The following ADAMTSL2 variants were observed in gnomAD, a reference collection of about 807,000 sequenced individuals.
The protein encoded by ADAMTSL2 is ADAMTS like 2.
ADAMTSL2 carries 55 observed loss-of-function variants against 117.0 expected under a neutral mutation model. That is an observed-to-expected ratio of 0.47 (90% CI 0.38 to 0.59). The LOEUF is 0.59. Ranked by LOEUF, ADAMTSL2 falls within the 20% of genes least tolerant of loss-of-function variation. The pLI, the probability that ADAMTSL2 is intolerant of heterozygous loss-of-function variation, is 0.00. For missense variants in ADAMTSL2, 1,182 were observed against 1,354.5 expected, an observed-to-expected ratio of 0.87 and a Z score of 2.00; for synonymous variants, 572 against 566.4, an observed-to-expected ratio of 1.01 and a Z score of -0.14.
rs1356008583 is a variant in ADAMTSL2, at chr9:133,573,703, G to C, written c.2593-140G>C. 22 of 1,001,386 alleles carry C rather than the reference G, an allele frequency of 2.2e-5. No individual in the cohort carries two copies. The East Asian group carries it at 4.6e-4, about 21-fold the overall frequency. The allele number at this position is 1,001,386 out of a possible 1,614,324, so 62.0% of individuals were successfully genotyped here. A position where few individuals can be genotyped will look rare whatever the true frequency, so the allele number is the denominator to read the frequency against. The stretch of plus-strand genomic sequence containing the variant: ...GGTCTAGTTTCAAATGGGCTTCCAC[G>C]GGTCCTGTGTCAGTTGGGACTCATG... On this transcript the variant is annotated intron_variant, in intron 17 of 18. Coordinates refer to ENST00000651351, the MANE Select transcript of ADAMTSL2 (RefSeq NM_014694.4).
At chr9:133,534,998 G>C in intron 1 of ADAMTSL2, 81 bp downstream of exon 1, 1 of 1,314,546 alleles carries the variant, frequency 7.6e-7, no homozygotes, top group Non-Finnish European at 9.7e-7. Context: ...CTGGGGGTAG[G>C]AGCACCCCGC....
At chr9:133,556,401 T>G (rs1457970475) in intron 11 of ADAMTSL2, among the ~76,000 whole-genome samples, 1 of 152,154 alleles carries the variant, frequency 6.6e-6, no homozygotes, top group Non-Finnish European at 1.5e-5. Flanking sequence ...GACCCCTTAG[T>G]TTTAAGCCTG....
chr9:133,549,613 G>C (rs569639845), intron 9 of ADAMTSL2, among the ~76,000 whole-genome samples: 43 of 145,280 alleles, frequency 3.0e-4, no homozygotes, highest in Non-Finnish European at 5.6e-4. Context: ...TCGAACTCTA[G>C]GCCTCAGGTA....
chr9:133,545,024 G>C (rs1830315787), intron 8 of ADAMTSL2, among the ~76,000 whole-genome samples: 1 of 152,186 alleles, frequency 6.6e-6, no homozygotes, highest in African/African-American at 2.4e-5. Flanking sequence ...TGGGAGGCTG[G>C]GCTGTAGGAG....
intron 13 of ADAMTSL2, among the ~76,000 whole-genome samples, chr9:133,568,048 C>T (rs371407577): frequency 1.3e-3 from 194 of 152,354 alleles, no homozygotes; most frequent in African/African-American, 4.1e-3. Flanking sequence ...TCAGGGCACC[C>T]GCCAACCACC....
chr9:133,567,102 G>C, intron 13 of ADAMTSL2, 40 bp downstream of exon 13: 2 of 1,578,552 alleles, frequency 1.3e-6, no homozygotes, highest in Non-Finnish European at 1.7e-6. Context: ...GGTCGGCAGG[G>C]GGCGTGAGGG....
At chr9:133,562,741 G>A (rs1479591680) in intron 12 of ADAMTSL2, among the ~76,000 whole-genome samples, 1 of 137,994 alleles carries the variant, frequency 7.2e-6, no homozygotes, top group East Asian at 2.2e-4. Context: ...CGTGGGCGGC[G>A]TGGTGGGCAC....
At chr9:133,564,595 GGGGAGAGAGAGGGAGAGA>G (rs1830904492) in intron 12 of ADAMTSL2, among the ~76,000 whole-genome samples, 1 of 36,630 alleles carries the variant, frequency 2.7e-5, no homozygotes, top group Non-Finnish European at 5.4e-5. Flanking sequence ...AGAGAGAGAG[GGGGAGAGAGAGGGAGAGA>G]GAGAGAGAGA....
At chr9:133,549,439 G>A (rs1291605291) in intron 9 of ADAMTSL2, among the ~76,000 whole-genome samples, 1 of 152,078 alleles carries the variant, frequency 6.6e-6, no homozygotes, top group African/African-American at 2.4e-5. Context: ...CTTTTGTCCA[G>A]TTATCATCAC....
rs1376184638 is a variant in ADAMTSL2 at position 133,549,206 on chromosome 9, G to T, written c.939+1993G>T. Among the ~76,000 whole-genome samples, 2 of 43,478 alleles carry T rather than the reference G, an allele frequency of 4.6e-5. 1 individual carries two copies. The highest frequency in any genetic ancestry group is 3.1e-4 in the Admixed American group (2 of 6,350). 28.5% of individuals were successfully genotyped at this position (43,478 alleles called of 152,430 possible). A position where few individuals can be genotyped will look rare whatever the true frequency, so the allele number is the denominator to read the frequency against. Reference sequence around the variant, plus strand: ...TTTTTAGTAGAGACAGGGTTTCACCGTTTTAGCCGGGATGGTCTCGATCTC... The same window carrying T: ...TTTTTAGTAGAGACAGGGTTTCACCTTTTTAGCCGGGATGGTCTCGATCTC... On this transcript the variant is annotated intron_variant, in intron 9 of 18. Transcript: ENST00000651351.
intron 12 of ADAMTSL2, among the ~76,000 whole-genome samples, chr9:133,564,983 G>T (rs1003730665): frequency 2.0e-5 from 3 of 152,056 alleles, no homozygotes; most frequent in Non-Finnish European, 4.4e-5. Context: ...CTTGTTTTTA[G>T]ATTTTTCTTC....
intron 8 of ADAMTSL2, 49 bp from the exon 9 acceptor site, chr9:133,546,989 C>T (rs749388554): frequency 1.3e-6 from 2 of 1,591,554 alleles, no homozygotes; most frequent in Admixed American, 1.7e-5. Flanking sequence ...ACACTGGCTC[C>T]TCCCCCAGCC....
At position 133,573,835 on chromosome 9, in the gene ADAMTSL2, C is replaced by T; in HGVS notation, c.2593-8C>T. On this transcript the variant is annotated splice_region_variant and splice_polypyrimidine_tract_variant and intron_variant, in intron 17 of 18. Coordinates refer to ENST00000651351, the MANE Select transcript of ADAMTSL2 (RefSeq NM_014694.4). ...CTTTCCCCATGCCTTCTGTCTCTCC[C>T]ACACCAGTGCACCAAGACCTGCGGG... 1 of 1,614,024 alleles carries T rather than the reference C, an allele frequency of 6.2e-7. No individual in the cohort carries two copies. The highest frequency in any genetic ancestry group is 2.2e-5 in the East Asian group (1 of 44,876).
At chr9:133,538,813 C>T (rs576399134) in intron 4 of ADAMTSL2, among the ~76,000 whole-genome samples, 7 of 152,228 alleles carry the variant, frequency 4.6e-5, no homozygotes, top group South Asian at 2.1e-4. Context: ...GTACCCCCCA[C>T]GCCATAAAAC....
At chr9:133,565,114 C>T (rs1161350311) in intron 12 of ADAMTSL2, among the ~76,000 whole-genome samples, 2 of 152,120 alleles carry the variant, frequency 1.3e-5, no homozygotes, top group African/African-American at 4.8e-5. Context: ...GACAGTGGAT[C>T]CTGCGGCCCC....
At chr9:133,570,278 G>T in intron 16 of ADAMTSL2, 53 bp from the exon 17 acceptor site, 2 of 1,531,320 alleles carry the variant, frequency 1.3e-6, no homozygotes, top group South Asian at 1.2e-5. Context: ...GGCCCTGTGT[G>T]TAGGGTCCTG....
At chr9:133,535,109 C>A (rs1188622432) in intron 1 of ADAMTSL2, among the ~76,000 whole-genome samples, 192 bp downstream of exon 1, 1 of 152,126 alleles carries the variant, frequency 6.6e-6, no homozygotes, top group African/African-American at 2.4e-5. Context: ...CTTGTGCGCC[C>A]GGAGCTCTGT....
rs367726537 is a variant in ADAMTSL2 at position 133,554,567 on chromosome 9, C to T, written c.1150C>T (p.Arg384Trp). 42 of 1,546,692 alleles carry T rather than the reference C, an allele frequency of 2.7e-5. No individual in the cohort carries two copies. The highest frequency in any genetic ancestry group is 5.9e-5 in the Admixed American group (3 of 51,030). ...CTCAGAGCGGCTGGGCCTGGACAAC[C>T]GGCTGTTCGGCCACCCGGGCCTGGA... is the stretch of plus-strand genomic sequence containing the variant. The part of the protein sequence containing the change: ...ASSERLGLDN[R>W]LFGHPGLDME... Residue 384 changes from arginine to tryptophan, a missense_variant, in exon 10 of 19, where the codon CGG (arginine) becomes TGG (tryptophan). Physicochemically the swap from Arg to Trp is moderately radical, Grantham distance 101 (BLOSUM62 -3). Around this residue, in one of 3 missense-constraint regions of ADAMTSL2, gnomAD observed 345 missense variants for 325.8 expected, o/e 1.06. Transcript: ENST00000651351. The surrounding 1 kb of genome is among the most constrained non-coding windows in gnomAD (Gnocchi z 5.2).
chr9:133,547,540 C>A (rs892417783), intron 9 of ADAMTSL2, among the ~76,000 whole-genome samples: 2 of 152,236 alleles, frequency 1.3e-5, no homozygotes, highest in Non-Finnish European at 2.9e-5. Context: ...TTCTTGAAAT[C>A]ATTCATTCCT....
Sources: gnomAD v4.1 joint callset for allele counts (sites outside exome capture counted in the v4.1 genomes callset) on GRCh38, gnomAD v4.1.1 for gene constraint, gnomAD v4.1.1 regional missense constraint, Gnocchi (gnomAD v3.1) non-coding constraint, MANE v1.5 for transcripts, NCBI Gene and HGNC (gene_info 2026-07-23, HGNC 2026-07-21) for gene names.